The following MYO16 variants were observed in gnomAD, a reference collection of about 807,000 sequenced individuals.
The protein encoded by MYO16 is unconventional myosin-XVI.
Under a neutral mutation model 205.3 loss-of-function variants are expected in MYO16, and 94 were observed. The ratio of observed to expected loss-of-function variants is 0.46; its 90% CI spans 0.39 to 0.54. The LOEUF is 0.54. Ranked by LOEUF, MYO16 falls within the 20% of genes least tolerant of loss-of-function variation. MYO16 has a pLI of 0.00. For missense variants in MYO16, 2,315 were observed against 2,387.5 expected (o/e 0.97, Z 0.63); for synonymous variants, 988 against 954.0 (o/e 1.04, Z -0.66).
chr13:108,649,712 A>G (rs574952819), intron 1 of MYO16, among the ~76,000 whole-genome samples: 19 of 152,328 alleles, frequency 1.2e-4, no homozygotes, highest in African/African-American at 4.3e-4. Flanking sequence ...AAGTCTACAT[A>G]GTAGAGTGAA....
At chr13:108,814,330 T>G (rs1214321253) in intron 7 of MYO16, among the ~76,000 whole-genome samples, 1 of 152,118 alleles carries the variant, frequency 6.6e-6, no homozygotes, top group Non-Finnish European at 1.5e-5. Flanking sequence ...AATTTTTGAC[T>G]TTCATTGTTT....
chr13:108,543,896 T>A, the MYO16 span, among the ~76,000 whole-genome samples: 1 of 150,392 alleles, frequency 6.6e-6, no homozygotes, highest in South Asian at 2.1e-4. Flanking sequence ...AGAAACCCCC[T>A]CTCTACTAAA....
At chr13:109,039,296 A>G (rs1886808905) in intron 23 of MYO16, among the ~76,000 whole-genome samples, 1 of 152,342 alleles carries the variant, frequency 6.6e-6, no homozygotes, top group African/African-American at 2.4e-5. Flanking sequence ...AAACAATGAC[A>G]TAGGCAATCG....
intron 4 of MYO16, among the ~76,000 whole-genome samples, chr13:108,740,256 T>A (rs1197404210): frequency 6.6e-6 from 1 of 152,170 alleles, no homozygotes; most frequent in African/African-American, 2.4e-5. Flanking sequence ...TTTTTCCCCA[T>A]CTTTGTGTTT....
At chr13:108,873,937 C>CA (rs1239080015) in intron 12 of MYO16, among the ~76,000 whole-genome samples, 3 of 152,196 alleles carry the variant, frequency 2.0e-5, no homozygotes, top group Non-Finnish European at 4.4e-5. Flanking sequence ...ATGGGCTTTA[C>CA]AAAAAAGCAA....
chr13:108,552,016 A>C, the MYO16 span, among the ~76,000 whole-genome samples: 1 of 152,230 alleles, frequency 6.6e-6, no homozygotes, highest in Non-Finnish European at 1.5e-5. Flanking sequence ...AGCAGGCTTC[A>C]GGCTGGCGGA....
the MYO16 span, among the ~76,000 whole-genome samples, chr13:108,525,162 C>A: frequency 2.6e-5 from 4 of 152,114 alleles, no homozygotes; most frequent in East Asian, 3.9e-4. Flanking sequence ...CACGAGATAA[C>A]GTGTGATGAG....
At chr13:108,542,497 AAT>A in the MYO16 span, among the ~76,000 whole-genome samples, 3 of 152,204 alleles carry the variant, frequency 2.0e-5, no homozygotes, top group African/African-American at 2.4e-5. Flanking sequence ...TTTAAAAATA[AAT>A]AGTTACTGGG....
At chr13:109,089,921 C>T (rs1888564783) in intron 27 of MYO16, among the ~76,000 whole-genome samples, 1 of 152,216 alleles carries the variant, frequency 6.6e-6, no homozygotes. Flanking sequence ...CCTTACCATA[C>T]CAGTGCCCCA....
chr13:109,063,943 A>T (rs1291413711), intron 27 of MYO16, among the ~76,000 whole-genome samples: 1 of 152,146 alleles, frequency 6.6e-6, no homozygotes, highest in Admixed American at 6.5e-5. Flanking sequence ...ACATTTTATA[A>T]AATACCAGAT....
the MYO16 span, among the ~76,000 whole-genome samples, chr13:108,538,849 A>G: frequency 3.3e-5 from 5 of 152,224 alleles, no homozygotes; most frequent in East Asian, 5.8e-4. Context: ...CATGCCAGTC[A>G]CCAGTTGCAA....
Position 109,206,769 on chromosome 13 carries a change from T to C in MYO16, c.5576T>C (p.Leu1859Pro). ...PPPPPCKKPS[L>P]LKKPEGASCN... ...CCACCACCTTGCAAGAAGCCCAGCCTTCTGAAGAAGCCGGAAGGGGCCTCC... is the reference window on the plus strand; with the variant it reads ...CCACCACCTTGCAAGAAGCCCAGCCCTCTGAAGAAGCCGGAAGGGGCCTCC... The change falls in exon 35 of 35, where the codon CTT becomes CCT. Residue 1859 changes from leucine to proline, a missense_variant. Leu to Pro is a moderately conservative substitution (Grantham distance 98). Around this residue, in one of 3 missense-constraint regions of MYO16, gnomAD observed 1,097 missense variants for 1,092.0 expected, o/e 1.00. Transcript: ENST00000457511. 1 of 1,614,146 alleles carries C rather than the reference T, an allele frequency of 6.2e-7. No homozygotes were observed. Among genetic ancestry groups the C allele is most frequent in the Non-Finnish European group, 8.5e-7 (1 of 1,180,026 alleles).
chr13:108,500,206 GTTTTTTTTTTTTTTGTTTTTTTTTTGTT>G, the MYO16 span, among the ~76,000 whole-genome samples: 1 of 11,946 alleles, frequency 8.4e-5, no homozygotes, highest in African/African-American at 1.6e-4. Context: ...GTTGATTCCT[GTTTTTTTTTTTTTTGTTTTTTTTTTGTT>G]TTTTTTGTTT....
intron 2 of MYO16, among the ~76,000 whole-genome samples, chr13:108,687,161 T>C (rs1882712359): frequency 6.6e-6 from 1 of 152,246 alleles, no homozygotes; most frequent in South Asian, 2.1e-4. Flanking sequence ...TTATTAAATA[T>C]GGATTTATGT....
the MYO16 span, among the ~76,000 whole-genome samples, chr13:108,559,470 C>CTTTTTT: frequency 5.0e-3 from 440 of 87,410 alleles, 1 homozygote; most frequent in African/African-American, 7.7e-3. Context: ...TTTTTCTTTT[C>CTTTTTT]TTTTTTTTTT....
chr13:109,002,113 AC>A (rs770953760), intron 21 of MYO16, among the ~76,000 whole-genome samples: 1 of 152,120 alleles, frequency 6.6e-6, no homozygotes, highest in Non-Finnish European at 1.5e-5. Flanking sequence ...CAATGCCTGC[AC>A]CCCACTCCAA....
chr13:108,671,357 A>G (rs1433949415), intron 2 of MYO16, among the ~76,000 whole-genome samples: 1 of 152,160 alleles, frequency 6.6e-6, no homozygotes, highest in Non-Finnish European at 1.5e-5. Flanking sequence ...CACCCTTCCT[A>G]TATGCTATAT....
intron 21 of MYO16, among the ~76,000 whole-genome samples, chr13:109,008,374 G>A (rs1031868742): frequency 6.7e-6 from 1 of 149,096 alleles, no homozygotes; most frequent in Non-Finnish European, 1.5e-5. Flanking sequence ...TATCTATCTT[G>A]TGTATGCACT....
chr13:108,504,466 T>C, the MYO16 span, among the ~76,000 whole-genome samples: 1 of 151,860 alleles, frequency 6.6e-6, no homozygotes, highest in Non-Finnish European at 1.5e-5. Context: ...GCCGAAACTC[T>C]ACACCCATTG....
Sources: allele counts gnomAD v4.1 joint callset (sites outside exome capture counted in the v4.1 genomes callset), GRCh38; gene constraint gnomAD v4.1.1; regional missense constraint gnomAD v4.1.1; transcripts MANE v1.5; gene names NCBI Gene and HGNC (gene_info 2026-07-23, HGNC 2026-07-21).